PANK4: variants seen among roughly 807,000 people sequenced by gnomAD.
PANK4 encodes 4'-phosphopantetheine phosphatase.
In PANK4, 40 loss-of-function variants were observed where a neutral mutation model predicts 87.9. The observed-to-expected ratio is 0.46, with a 90% CI of 0.35 to 0.59. The LOEUF is 0.59. Among genes scored for constraint, PANK4 ranks in the 20% least tolerant of loss-of-function variants. PANK4 has a pLI of 0.00. For missense variants in PANK4, 926 were observed against 1,072.3 expected (o/e 0.86, Z 1.90); for synonymous variants, 524 against 467.4 (o/e 1.12, Z -1.56).
chr1:2,524,473 G>A (rs960465699), intron 1 of PANK4, among the ~76,000 whole-genome samples: 1 of 152,198 alleles, frequency 6.6e-6, no homozygotes, highest in Non-Finnish European at 1.5e-5. Context: ...AAGAACCAGA[G>A]ACACAGGACC....
At position 2,510,084 on chromosome 1, in the gene PANK4, C is replaced by T. The variant is rs767111444; in HGVS notation, c.2012G>A (p.Arg671His). ...CACGACAGGGTCCATGCCCGCAATA[C>T]GCTCTGCCACGATGAGGGACTCGCT... Reference protein sequence around the residue: ...THSESLIVAERIAGMDPVVHS... With the variant: ...THSESLIVAEHIAGMDPVVHS... The change falls in exon 17 of 19, where the codon CGT becomes CAT. Residue 671 changes from arginine to histidine, a missense_variant. By Grantham distance (29) the Arg-to-His change is conservative. Transcript: ENST00000378466. The surrounding 1 kb of genome is among the most constrained non-coding windows in gnomAD (Gnocchi z 4.9). The T allele has an allele frequency of 1.9e-6, 3 of 1,610,680 alleles. No individual in the cohort carries two copies. Among genetic ancestry groups the T allele is most frequent in the Non-Finnish European group, 2.5e-6 (3 of 1,178,982 alleles).
chr1:2,518,582 G>C lies in PANK4; in HGVS notation c.1051C>G (p.Leu351Val). The C allele has an allele frequency of 6.4e-7, 1 of 1,570,526 alleles. No individual in the cohort carries two copies. Among genetic ancestry groups the C allele is most frequent in the Non-Finnish European group, 8.6e-7 (1 of 1,157,800 alleles). The change falls in exon 8 of 19, where the codon CTG (leucine) becomes GTG (valine). Residue 351 changes from leucine (L) to valine (V), a missense_variant. By Grantham distance (32) the Leu-to-Val change is conservative (BLOSUM62 1). Coordinates refer to ENST00000378466, the MANE Select transcript of PANK4 (RefSeq NM_018216.4). ...NFFSKGEVQA[L>V]FLRHEGYLGA... ...AGGTAGCCTTCGTGCCTCAGAAACA[G>C]CGCCTGCACTTCCCCCTGCCGTGGC...
Position 2,520,079 on chromosome 1 carries a change from G to C in PANK4, c.700-125C>G, listed in dbSNP as rs1643862444. 5 of 981,220 alleles carry C rather than the reference G, an allele frequency of 5.1e-6. No individual in the cohort carries two copies. The highest frequency in any genetic ancestry group is 1.6e-5 in the African/African-American group (1 of 61,078). 60.8% of individuals were successfully genotyped at this position (981,220 alleles called of 1,614,324 possible). On this transcript the variant is annotated intron_variant, in intron 5 of 18. Coordinates refer to ENST00000378466, the MANE Select transcript of PANK4 (RefSeq NM_018216.4). This position sits in a 1 kb window ranked among gnomAD's most constrained non-coding sequence, Gnocchi z 6.2. ...GGGTAAATGGGCCCTCATCGCGTGG[G>C]ACCAAAGGCAGGAGGCGGCAAGCGG...
In PANK4 at chr1:2,510,231, C is replaced by G; in HGVS notation, c.1939-74G>C. On this transcript the variant is annotated intron_variant, in intron 16 of 18. Coordinates refer to ENST00000378466, the MANE Select transcript of PANK4 (RefSeq NM_018216.4). The surrounding 1 kb of genome is among the most constrained non-coding windows in gnomAD (Gnocchi z 4.9). ...TGGAGCCTGCGTGCACCCCGGCCTTCGAGTGGCTGGGCTGGGTGAGGGTGC... is the reference window on the plus strand; with the variant it reads ...TGGAGCCTGCGTGCACCCCGGCCTTGGAGTGGCTGGGCTGGGTGAGGGTGC... 1 of 990,890 alleles carries G rather than the reference C, an allele frequency of 1.0e-6. No individual in the cohort carries two copies. Among genetic ancestry groups the G allele is most frequent in the Non-Finnish European group, 1.6e-6 (1 of 638,398 alleles). The allele number at this position is 990,890 out of a possible 1,614,324, so 61.4% of individuals were successfully genotyped here. A position where few individuals can be genotyped will look rare whatever the true frequency, so the allele number is the denominator to read the frequency against.
Position 2,520,048 on chromosome 1 carries a change from G to A in PANK4, c.700-94C>T. ...AAGCCCATGGCAGGAGGCACGCGCGGGCAGGGGGTAAATGGGCCCTCATCG... is the reference window on the plus strand; with the variant it reads ...AAGCCCATGGCAGGAGGCACGCGCGAGCAGGGGGTAAATGGGCCCTCATCG... On this transcript the variant is annotated intron_variant, in intron 5 of 18. Transcript: ENST00000378466. This position sits in a 1 kb window ranked among gnomAD's most constrained non-coding sequence, Gnocchi z 6.2. The A allele has an allele frequency of 2.4e-6, 3 of 1,254,052 alleles. No individual in the cohort carries two copies. Among genetic ancestry groups the A allele is most frequent in the African/African-American group, 3.0e-5 (2 of 66,718 alleles). 77.7% of individuals were successfully genotyped at this position (1,254,052 alleles called of 1,614,324 possible). A position where few individuals can be genotyped will look rare whatever the true frequency, so the allele number is the denominator to read the frequency against.
At chr1:2,511,286 C>G (rs75446445) in intron 15 of PANK4, 52 bp downstream of exon 15, 4 of 1,354,726 alleles carry the variant, frequency 3.0e-6, no homozygotes, top group Non-Finnish European at 4.2e-6. Context: ...TGACCACCCC[C>G]CCGGGCCCCG....
In PANK4 at chr1:2,519,042, C is replaced by T. The variant is rs1208837502; in HGVS notation, c.1035+101G>A. On this transcript the variant is annotated intron_variant, in intron 7 of 18. Transcript: ENST00000378466. This position sits in a 1 kb window ranked among gnomAD's most constrained non-coding sequence, Gnocchi z 8.3. Reference sequence around the variant, plus strand: ...GCTGGGCTTCTTGGCCCCCACCCTCCAGGCCTCCCTGGGGGTGCTGCGGTG... The same window carrying T: ...GCTGGGCTTCTTGGCCCCCACCCTCTAGGCCTCCCTGGGGGTGCTGCGGTG... 6.1e-6 allele frequency: 7 copies of T among 1,148,978 alleles called. No individual in the cohort carries two copies. In the Admixed American group the frequency reaches 1.3e-4, roughly 21 times the overall value. The allele number at this position is 1,148,978 out of a possible 1,614,324, so 71.2% of individuals were successfully genotyped here. A position where few individuals can be genotyped will look rare whatever the true frequency, so the allele number is the denominator to read the frequency against.
At chr1:2,514,593 G>C (rs1254269147) in intron 10 of PANK4, 127 bp from the exon 11 acceptor site, 2 of 589,312 alleles carry the variant, frequency 3.4e-6, no homozygotes, top group Non-Finnish European at 3.0e-6. Context: ...GCAGGGTGGG[G>C]GCGGCTGTAG....
intron 3 of PANK4, 27 bp downstream of exon 3, chr1:2,521,074 T>C (rs756214684): frequency 3.8e-6 from 6 of 1,593,802 alleles, no homozygotes; most frequent in Non-Finnish European, 5.2e-6. Context: ...CACATGTTCC[T>C]TTCTCGCCCT....
intron 10 of PANK4, among the ~76,000 whole-genome samples, chr1:2,514,702 G>GTT (rs1643735119): frequency 7.0e-6 from 1 of 142,032 alleles, no homozygotes; most frequent in African/African-American, 2.8e-5. Context: ...AGGGCCTGCT[G>GTT]TGGGGGACTC....
chr1:2,518,371 AATGTTAG>A, intron 8 of PANK4, 107 bp from the exon 9 acceptor site: 1 of 968,936 alleles, frequency 1.0e-6, no homozygotes, highest in South Asian at 1.4e-5. Flanking sequence ...AAATTGTTAA[AATGTTAG>A]ACATGCCTGC....
Position 2,508,853 on chromosome 1 carries a change from G to A in PANK4, c.2316C>T (p.Ala772=), listed in dbSNP as rs750370856. The change falls in exon 19 of 19, where the codon GCC becomes GCT. Residue 772 remains alanine (A), a synonymous_variant. Coordinates refer to ENST00000378466, the MANE Select transcript of PANK4 (RefSeq NM_018216.4). This position sits in a 1 kb window ranked among gnomAD's most constrained non-coding sequence, Gnocchi z 5.1. ...FSVIFKYEVP[A]E is the part of the protein sequence containing the mutation. Reference sequence around the variant, plus strand: ...GTCCGGCAGCTGCAGCGCCTCACTCGGCTGGGACCTCGTACTTGAAGATGA... The same window carrying A: ...GTCCGGCAGCTGCAGCGCCTCACTCAGCTGGGACCTCGTACTTGAAGATGA... 8.8e-6 allele frequency: 14 copies of A among 1,582,918 alleles called. No individual in the cohort carries two copies. Among genetic ancestry groups the A allele is most frequent in the Admixed American group, 6.8e-5 (4 of 58,532 alleles).
intron 12 of PANK4, 46 bp from the exon 13 acceptor site, chr1:2,513,085 A>C: frequency 6.5e-7 from 1 of 1,546,842 alleles, no homozygotes; most frequent in Non-Finnish European, 8.8e-7. Flanking sequence ...ACGTGGCCTC[A>C]GCCCACCCTG....
rs1013678178 is a variant in PANK4 at position 2,521,476 on chromosome 1, C to A, written c.208-161G>T. The A allele has an allele frequency of 9.7e-6, 7 of 720,718 alleles. No homozygotes were observed. The East Asian group carries it at 1.5e-4, about 16-fold the overall frequency. 44.6% of individuals were successfully genotyped at this position (720,718 alleles called of 1,614,324 possible). ...AAGAGGGAGGAGCCTAGGACCGTGG[C>A]GACCTCAGGGCCACCCAGCAGGAGC... On this transcript the variant is annotated intron_variant, in intron 2 of 18. Coordinates refer to ENST00000378466, the MANE Select transcript of PANK4 (RefSeq NM_018216.4).
intron 1 of PANK4, 127 bp from the exon 2 acceptor site, chr1:2,521,927 T>C (rs1203915440): frequency 5.5e-6 from 4 of 723,618 alleles, no homozygotes; most frequent in Non-Finnish European, 1.0e-5. Context: ...TTGGGGCTAC[T>C]GGAACTTAAA....
At chr1:2,518,312 CA>C in intron 8 of PANK4, 48 bp from the exon 9 acceptor site, 1 of 1,360,078 alleles carries the variant, frequency 7.4e-7, no homozygotes, top group Non-Finnish European at 1.0e-6. Context: ...GCCCTTGATT[CA>C]AAAGCAGGAG....
intron 1 of PANK4, among the ~76,000 whole-genome samples, chr1:2,524,898 T>C (rs1643907390): frequency 6.6e-6 from 1 of 152,110 alleles, no homozygotes; most frequent in African/African-American, 2.4e-5. Flanking sequence ...AGGCCTGCGG[T>C]AGACAATCCC....
At chr1:2,521,357 C>T (rs781484619) in intron 2 of PANK4, 42 bp from the exon 3 acceptor site, 18 of 1,495,620 alleles carry the variant, frequency 1.2e-5, no homozygotes, top group Middle Eastern at 1.7e-4. Flanking sequence ...TGTGGGACAC[C>T]GCGCCGGGCT....
rs926499075 is a variant in PANK4 at position 2,520,473 on chromosome 1, C to T, written c.607-59G>A. 212 of 1,419,012 alleles carry T rather than the reference C, an allele frequency of 1.5e-4. 1 individual carries two copies. The highest frequency in any genetic ancestry group is 4.3e-4 in the Middle Eastern group (2 of 4,618). 87.9% of individuals were successfully genotyped at this position (1,419,012 alleles called of 1,614,324 possible). On this transcript the variant is annotated intron_variant, in intron 4 of 18. Coordinates refer to ENST00000378466, the MANE Select transcript of PANK4 (RefSeq NM_018216.4). This position sits in a 1 kb window ranked among gnomAD's most constrained non-coding sequence, Gnocchi z 6.2. ...GGGCCCTCAGCCACACAGGCTCCCC[C>T]GCCCCCCGCCCCATGTGCTGCGCTG...
Sources: allele counts gnomAD v4.1 joint callset (sites outside exome capture counted in the v4.1 genomes callset), GRCh38; gene constraint gnomAD v4.1.1; non-coding constraint Gnocchi (gnomAD v3.1); transcripts MANE v1.5; gene names NCBI Gene and HGNC (gene_info 2026-07-23, HGNC 2026-07-21).